SLC25A32: variants seen among roughly 807,000 people sequenced by gnomAD.
SLC25A32 encodes the protein Glycine auxotroph B, complementation of hamster.
A neutral mutation model predicts 39.0 loss-of-function variants in SLC25A32; 32 were observed. The ratio of observed to expected loss-of-function variants is 0.82; its 90% CI spans 0.62 to 1.10. The LOEUF is 1.10. Ranked by LOEUF, SLC25A32 falls within the 50% of genes least tolerant of loss-of-function variation. SLC25A32 has a pLI of 0.00. For missense variants in SLC25A32, 367 were observed against 395.3 expected (o/e 0.93, Z 0.61); for synonymous variants, 166 against 152.4 (o/e 1.09, Z -0.66).
intron 2 of SLC25A32, 146 bp downstream of exon 2, chr8:103,407,488 T>C (rs1816357492): frequency 1.8e-6 from 1 of 567,950 alleles, no homozygotes; most frequent in East Asian, 3.2e-5. Flanking sequence ...AAATAACTAA[T>C]CAGCCATTTT....
intron 3 of SLC25A32, among the ~76,000 whole-genome samples, chr8:103,403,597 T>C (rs1201013305): frequency 6.6e-6 from 1 of 152,108 alleles, no homozygotes; most frequent in Non-Finnish European, 1.5e-5. Flanking sequence ...CTCTTTGAAG[T>C]GTAAGGATAG....
intron 1 of SLC25A32, among the ~76,000 whole-genome samples, chr8:103,407,989 C>T (rs1370238657): frequency 4.1e-5 from 6 of 145,082 alleles, no homozygotes; most frequent in African/African-American, 1.5e-4. Flanking sequence ...GTAAAATATA[C>T]ATTTTTGTGT....
At chr8:103,408,807 C>T (rs2130449959) in intron 1 of SLC25A32, among the ~76,000 whole-genome samples, 1 of 152,292 alleles carries the variant, frequency 6.6e-6, no homozygotes, top group South Asian at 2.1e-4. Context: ...TCCTTCCCAT[C>T]CCTTTTTATC....
chr8:103,398,976 A>C lies in SLC25A32; in HGVS notation c.*1435T>G, dbSNP rs995719431. 1 of 152,232 alleles carries C rather than the reference A, an allele frequency of 6.6e-6. No homozygotes were observed. Among genetic ancestry groups the C allele is most frequent in the African/African-American group, 2.4e-5 (1 of 41,464 alleles). The allele number at this position is 152,232 out of a possible 1,614,324, so 9.4% of individuals were successfully genotyped here. A position where few individuals can be genotyped will look rare whatever the true frequency, so the allele number is the denominator to read the frequency against. On this transcript the variant is annotated 3_prime_UTR_variant, in exon 7 of 7. Transcript: ENST00000297578. ...CTATTTAAAGATGGCTTTGAAAACA[A>C]CACTTTTATTTACAACAAATAGATG...
chr8:103,411,597 C>T (rs1816466104), intron 1 of SLC25A32, among the ~76,000 whole-genome samples: 1 of 152,174 alleles, frequency 6.6e-6, no homozygotes, highest in South Asian at 2.1e-4. Flanking sequence ...CATTTAACAC[C>T]ACATTTTCTT....
intron 5 of SLC25A32, 80 bp downstream of exon 5, chr8:103,401,861 C>A: frequency 8.4e-7 from 1 of 1,194,056 alleles, no homozygotes; most frequent in South Asian, 1.5e-5. Context: ...GCACTACCAC[C>A]AAAGTAAGCA....
At chr8:103,405,774 C>T (rs1476268927) in intron 2 of SLC25A32, among the ~76,000 whole-genome samples, 1 of 152,002 alleles carries the variant, frequency 6.6e-6, no homozygotes, top group Non-Finnish European at 1.5e-5. Context: ...AATCCTCCTG[C>T]CTCAGCCTCC....
At chr8:103,408,896 T>A (rs1467849721) in intron 1 of SLC25A32, among the ~76,000 whole-genome samples, 1 of 152,244 alleles carries the variant, frequency 6.6e-6, no homozygotes, top group African/African-American at 2.4e-5. Context: ...GCCATCATCC[T>A]ACTTTGAGAT....
rs923632833 is a variant in SLC25A32 at position 103,404,392 on chromosome 8, G to A, written c.391+384C>T. On this transcript the variant is annotated intron_variant, in intron 3 of 6. Coordinates refer to ENST00000297578, the MANE Select transcript of SLC25A32 (RefSeq NM_030780.5). ...AGGTGGATCAAGAGGTCAAGAGATC[G>A]AGACAATTCTGGCCAACATGGTGAA... Among the ~76,000 whole-genome samples, 4 of 151,988 alleles carry A rather than the reference G, an allele frequency of 2.6e-5. 1 individual carries two copies. The highest frequency in any genetic ancestry group is 5.9e-5 in the Non-Finnish European group (4 of 67,986).
At chr8:103,412,965 C>A (rs1350286663) in intron 1 of SLC25A32, among the ~76,000 whole-genome samples, 1 of 150,730 alleles carries the variant, frequency 6.6e-6, no homozygotes, top group Non-Finnish European at 1.5e-5. Flanking sequence ...CGTTATTCAT[C>A]TTCTTAAGTT....
intron 1 of SLC25A32, among the ~76,000 whole-genome samples, chr8:103,412,109 C>G (rs3133816): frequency 0.22 from 33,942 of 152,052 alleles, 3,895 homozygotes; most frequent in East Asian, 0.34. Context: ...AGGATTAAAT[C>G]AGTTAGTACA....
chr8:103,402,813 A>T (rs1407808519), intron 4 of SLC25A32: 1 of 155,234 alleles, frequency 6.4e-6, no homozygotes, highest in Non-Finnish European at 1.4e-5. Context: ...TAGAACTGCT[A>T]ATGTCTTCTC....
intron 4 of SLC25A32, 102 bp downstream of exon 4, chr8:103,403,062 G>T: frequency 7.1e-6 from 5 of 707,396 alleles, no homozygotes; most frequent in South Asian, 3.0e-5. Flanking sequence ...CCTAAGTGTG[G>T]CTTCTTTTTA....
intron 1 of SLC25A32, among the ~76,000 whole-genome samples, chr8:103,412,488 C>T (rs923300109): frequency 1.3e-5 from 2 of 152,202 alleles, no homozygotes; most frequent in Admixed American, 1.3e-4. Flanking sequence ...AGAATATCTT[C>T]TAACTTCTGT....
intron 3 of SLC25A32, among the ~76,000 whole-genome samples, chr8:103,403,753 T>G (rs1816269307): frequency 6.6e-6 from 1 of 152,194 alleles, no homozygotes; most frequent in Non-Finnish European, 1.5e-5. Flanking sequence ...CCCAATAATC[T>G]GTGCATGTGA....
chr8:103,407,833 G>C (rs757772847), intron 1 of SLC25A32, 49 bp from the exon 2 acceptor site: 1 of 1,528,294 alleles, frequency 6.5e-7, no homozygotes, highest in East Asian at 2.3e-5. Context: ...TTCTAGCTCT[G>C]TATCACATAT....
intron 5 of SLC25A32, 95 bp downstream of exon 5, chr8:103,401,846 T>A: frequency 9.5e-7 from 1 of 1,048,430 alleles, no homozygotes; most frequent in Non-Finnish European, 1.4e-6. Flanking sequence ...GTACTCATCA[T>A]CATAGCACTA....
At chr8:103,401,391 G>A (rs1816214983) in intron 6 of SLC25A32, 125 bp downstream of exon 6, 1 of 770,248 alleles carries the variant, frequency 1.3e-6, no homozygotes, top group Admixed American at 2.8e-5. Flanking sequence ...TGGGAAAGCA[G>A]GGACCACCAA....
chr8:103,403,382 A>T (rs1196860077), intron 3 of SLC25A32, 58 bp from the exon 4 acceptor site: 1 of 1,019,696 alleles, frequency 9.8e-7, no homozygotes, highest in Non-Finnish European at 1.4e-6. Context: ...ACTTATGACA[A>T]CCCAAATTAG....
Sources: allele counts gnomAD v4.1 joint callset (sites outside exome capture counted in the v4.1 genomes callset), GRCh38; gene constraint gnomAD v4.1.1; transcripts MANE v1.5; gene names NCBI Gene and HGNC (gene_info 2026-07-23, HGNC 2026-07-21).